Variants in CNTN5 observed in about 807,000 individuals in gnomAD.
The protein encoded by CNTN5 is contactin-5.
CNTN5 carries 77 observed loss-of-function variants against 129.1 expected under a neutral mutation model. The ratio of observed to expected loss-of-function variants is 0.60; its 90% CI spans 0.50 to 0.72. CNTN5 has a LOEUF of 0.72. Ranked by LOEUF, CNTN5 falls within the 30% of genes least tolerant of loss-of-function variation. The pLI, the probability that CNTN5 is intolerant of heterozygous loss-of-function variation, is 0.00. For synonymous variants in CNTN5, 509 were observed against 465.6 expected (o/e 1.09, Z -1.20); for missense variants, 1,478 against 1,328.8 (o/e 1.11, Z -1.75).
rs115844737 is a variant in CNTN5 at position 99,948,387 on chromosome 11, C to T, written c.674-8419C>T. On this transcript the variant is annotated intron_variant, in intron 7 of 24. Transcript: ENST00000524871. ...TACTGTTTGATATGGTTAAGACTTG[C>T]ATGGCATTGTGACCATGGTTTAATT... Among the ~76,000 whole-genome samples the T allele has an allele frequency of 1.4e-3, 209 of 152,288 alleles. 1 individual carries two copies. The highest frequency in any genetic ancestry group is 5.0e-3 in the African/African-American group (206 of 41,558).
chr11:100,004,483 T>C (rs1219066712), intron 9 of CNTN5, among the ~76,000 whole-genome samples: 1 of 152,200 alleles, frequency 6.6e-6, no homozygotes, highest in African/African-American at 2.4e-5. Flanking sequence ...TGTATACTTT[T>C]TAATCCCTTT....
chr11:99,514,842 C>T (rs896005651), intron 2 of CNTN5, among the ~76,000 whole-genome samples: 1 of 151,884 alleles, frequency 6.6e-6, no homozygotes, highest in Non-Finnish European at 1.5e-5. Context: ...CACTATATCC[C>T]GAGTATGCCT....
chr11:100,299,586 C>T (rs1291053393), intron 20 of CNTN5, among the ~76,000 whole-genome samples, 190 bp downstream of exon 20: 1 of 151,314 alleles, frequency 6.6e-6, no homozygotes, highest in Non-Finnish European at 1.5e-5. Context: ...GATTATTCCA[C>T]ATATGTTGCT....
chr11:99,677,511 C>T (rs922213764), intron 3 of CNTN5, among the ~76,000 whole-genome samples: 1 of 152,024 alleles, frequency 6.6e-6, no homozygotes. Flanking sequence ...TATTTTGGGG[C>T]ACATATGGCA....
intron 6 of CNTN5, among the ~76,000 whole-genome samples, chr11:99,913,092 A>G (rs1392176157): frequency 3.9e-5 from 6 of 152,034 alleles, no homozygotes; most frequent in Admixed American, 2.6e-4. Context: ...CGTGTCATCT[A>G]TTAAAATAAC....
intron 1 of CNTN5, among the ~76,000 whole-genome samples, chr11:99,094,972 A>G (rs1373682331): frequency 6.6e-6 from 1 of 151,776 alleles, no homozygotes; most frequent in African/African-American, 2.4e-5. Context: ...TATTATTATT[A>G]TTAGGTTTCT....
At chr11:99,402,955 C>CT (rs948512697) in intron 2 of CNTN5, among the ~76,000 whole-genome samples, 8 of 149,644 alleles carry the variant, frequency 5.3e-5, no homozygotes, top group African/African-American at 7.3e-5. Context: ...CTAATCTTTC[C>CT]TTTTTTTTTT....
intron 3 of CNTN5, among the ~76,000 whole-genome samples, chr11:99,785,348 G>T (rs1945480330): frequency 3.9e-5 from 6 of 152,070 alleles, no homozygotes; most frequent in Admixed American, 3.9e-4. Flanking sequence ...CATTCTGTAG[G>T]TTGTCTGTTC....
intron 2 of CNTN5, among the ~76,000 whole-genome samples, chr11:99,413,711 G>GT (rs1942506806): frequency 1.3e-5 from 2 of 152,020 alleles, no homozygotes; most frequent in African/African-American, 4.8e-5. Flanking sequence ...TTCAAAATTC[G>GT]TTTTTTTCTC....
intron 2 of CNTN5, among the ~76,000 whole-genome samples, chr11:99,513,355 C>G (rs1946913249): frequency 6.6e-6 from 1 of 152,112 alleles, no homozygotes; most frequent in African/African-American, 2.4e-5. Context: ...ATAGAAGCTG[C>G]AGCAAGTCAT....
chr11:99,431,990 TG>T (rs1296567899), intron 2 of CNTN5, among the ~76,000 whole-genome samples: 5 of 151,934 alleles, frequency 3.3e-5, no homozygotes, highest in Non-Finnish European at 4.4e-5. Flanking sequence ...AAGGAGCAGG[TG>T]GGGGGATAGT....
chr11:99,294,688 G>A (rs1193151960), intron 1 of CNTN5, among the ~76,000 whole-genome samples: 1 of 152,122 alleles, frequency 6.6e-6, no homozygotes, highest in Non-Finnish European at 1.5e-5. Flanking sequence ...CTGCAATGCT[G>A]CGATTTTGGT....
chr11:99,476,810 A>G (rs1565214672), intron 2 of CNTN5, among the ~76,000 whole-genome samples: 1 of 152,138 alleles, frequency 6.6e-6, no homozygotes. Context: ...TGTTTAATCA[A>G]CTGATCCTTT....
chr11:99,345,821 C>T (rs1937813367), intron 2 of CNTN5, among the ~76,000 whole-genome samples: 1 of 152,112 alleles, frequency 6.6e-6, no homozygotes, highest in African/African-American at 2.4e-5. Flanking sequence ...TATACTTTCT[C>T]CTGGCCCCTT....
chr11:99,344,129 G>T (rs924796496), intron 2 of CNTN5, among the ~76,000 whole-genome samples: 6 of 152,104 alleles, frequency 3.9e-5, no homozygotes, highest in Non-Finnish European at 7.4e-5. Flanking sequence ...GTAAGTTTTC[G>T]GTAGAAAGTC....
chr11:99,129,069 C>T (rs550460850), intron 1 of CNTN5, among the ~76,000 whole-genome samples: 12 of 152,124 alleles, frequency 7.9e-5, no homozygotes, highest in African/African-American at 2.6e-4. Context: ...AAACACTTCT[C>T]CAGCAAGGCC....
chr11:100,168,137 GA>G (rs1170727695), intron 13 of CNTN5, among the ~76,000 whole-genome samples: 1 of 152,080 alleles, frequency 6.6e-6, no homozygotes, highest in East Asian at 1.9e-4. Context: ...TCATGAGGTT[GA>G]AGAAAATAAA....
intron 1 of CNTN5, among the ~76,000 whole-genome samples, chr11:99,250,025 G>A (rs1371775398): frequency 6.6e-6 from 1 of 151,900 alleles, no homozygotes; most frequent in Non-Finnish European, 1.5e-5. Context: ...ATTTTGGGGT[G>A]AGAGCACATT....
At chr11:99,099,457 T>C (rs1326908659) in intron 1 of CNTN5, among the ~76,000 whole-genome samples, 1 of 152,044 alleles carries the variant, frequency 6.6e-6, no homozygotes, top group East Asian at 1.9e-4. Context: ...AACAAATTTA[T>C]AGATAATGTT....
Sources: allele counts gnomAD v4.1 joint callset (sites outside exome capture counted in the v4.1 genomes callset), GRCh38; gene constraint gnomAD v4.1.1; transcripts MANE v1.5; gene names NCBI Gene and HGNC (gene_info 2026-07-23, HGNC 2026-07-21).